The following CORO7 variants were observed in gnomAD, a reference collection of about 807,000 sequenced individuals.
CORO7 encodes the protein coronin 7, also known as coronin-7.
A neutral mutation model predicts 126.6 loss-of-function variants in CORO7; 107 were observed. The ratio of observed to expected loss-of-function variants is 0.85; its 90% confidence interval spans 0.72 to 0.99. The LOEUF is 0.99. CORO7 is among the 50% of genes least tolerant of loss of function. The probability of loss-of-function intolerance (pLI) is 0.00; values close to 1 mark genes in which losing one functional copy is unlikely to be tolerated. For missense variants in CORO7, 1,314 were observed against 1,255.8 expected (o/e 1.05, Z -0.70); for synonymous variants, 603 against 536.8 (o/e 1.12, Z -1.70).
At chr16:4,372,420 G>A (rs944968038) in intron 9 of CORO7, among the ~76,000 whole-genome samples, 1 of 152,226 alleles carries the variant, frequency 6.6e-6, no homozygotes, top group African/African-American at 2.4e-5. Flanking sequence ...GGGCTGCCCG[G>A]GGTCCTCTGG....
chr16:4,358,942 A>T, intron 23 of CORO7: 1 of 327,056 alleles, frequency 3.1e-6, no homozygotes, highest in South Asian at 5.9e-5. Context: ...ATCTAGTGCA[A>T]TTTTTTGTTT....
At chr16:4,389,237 C>A (rs1360803985) in intron 7 of CORO7, among the ~76,000 whole-genome samples, 2 of 152,174 alleles carry the variant, frequency 1.3e-5, no homozygotes, top group Admixed American at 6.5e-5. Context: ...TCCTGGCCCT[C>A]CCGAGGTGCT....
At chr16:4,360,589 TG>T in intron 19 of CORO7, 41 bp from the exon 20 acceptor site, 1 of 1,553,928 alleles carries the variant, frequency 6.4e-7, no homozygotes, top group Non-Finnish European at 8.7e-7. Context: ...CTTGCTTCAC[TG>T]CTGGCCCCAC....
At chr16:4,364,072 G>C (rs182211013) in intron 14 of CORO7, among the ~76,000 whole-genome samples, 5 of 151,702 alleles carry the variant, frequency 3.3e-5, no homozygotes, top group African/African-American at 9.7e-5. Flanking sequence ...TGTAATCCCA[G>C]CTACTCGGGA....
chr16:4,367,406 T>C (rs2054381292), intron 9 of CORO7, among the ~76,000 whole-genome samples: 1 of 152,250 alleles, frequency 6.6e-6, no homozygotes. Context: ...CATTCACTCC[T>C]TTGATGAGCT....
intron 9 of CORO7, among the ~76,000 whole-genome samples, chr16:4,368,326 G>A (rs2054411713): frequency 2.0e-5 from 3 of 151,310 alleles, no homozygotes; most frequent in Admixed American, 6.6e-5. Context: ...CAGCCTGGGT[G>A]ACAGAGTGAG....
At chr16:4,385,569 C>T (rs1567279119) in intron 9 of CORO7, among the ~76,000 whole-genome samples, 1 of 152,296 alleles carries the variant, frequency 6.6e-6, no homozygotes, top group South Asian at 2.1e-4. Context: ...CAGTCCCTCT[C>T]GTTATCCCCC....
intron 16 of CORO7, 167 bp from the exon 17 acceptor site, chr16:4,361,636 A>C: frequency 9.1e-6 from 8 of 882,002 alleles, no homozygotes; most frequent in Non-Finnish European, 1.4e-5. Context: ...TCTGAGCCCC[A>C]AGTGCCAACC....
In CORO7 at chr16:4,360,363, C is replaced by T. The variant is rs567884489; in HGVS notation, c.2023G>A (p.Glu675Lys). 6.2e-7 allele frequency: 1 copy of T among 1,613,622 alleles called. No homozygotes were observed. The highest frequency in any genetic ancestry group is 1.1e-5 in the South Asian group (1 of 91,086). The change falls in exon 21 of 28, where the codon GAA (glutamate) becomes AAA (lysine). Residue 675 changes from glutamate to lysine, a missense_variant and splice_region_variant. Coordinates refer to ENST00000251166, the MANE Select transcript of CORO7 (RefSeq NM_024535.5). ...CGTCCTCCCTTGGGCCCTGGGCCTT[C>T]CTGTTGAGATACATCGCGTGACACC... ...RPRSGPEPLQEGPGPKGGRGA... is the reference protein window; with the variant it reads ...RPRSGPEPLQKGPGPKGGRGA...
intron 1 of CORO7, chr16:4,415,651 C>T (rs980257135): frequency 1.9e-5 from 18 of 953,302 alleles, no homozygotes; most frequent in Non-Finnish European, 2.2e-5. Context: ...GCTCTGGGAC[C>T]CTGATGGGGT....
rs1286853989 is a variant in CORO7, at chr16:4,362,699, A to T, written c.1315T>A (p.Ser439Thr). 1 of 1,465,520 alleles carries T rather than the reference A, an allele frequency of 6.8e-7. No homozygotes were observed. Among genetic ancestry groups the T allele is most frequent in the African/African-American group, 1.5e-5 (1 of 68,424 alleles). The allele number at this position is 1,465,520 out of a possible 1,614,324, so 90.8% of individuals were successfully genotyped here. Reference protein sequence around the residue: ...SSPPSSLTSPSTPSSLGPSLS... With the variant: ...SSPPSSLTSPTTPSSLGPSLS... The stretch of plus-strand genomic sequence containing the variant: ...GAGGGCCCCAGGCTGGAGGGCGTGG[A>T]GGGCGAGGTCAGCGAACTGGGAGGG... Residue 439 changes from serine (S) to threonine (T), a missense_variant, in exon 15 of 28, where the codon TCC becomes ACC. Coordinates refer to ENST00000251166, the MANE Select transcript of CORO7 (RefSeq NM_024535.5). This position sits in a 1 kb window ranked among gnomAD's most constrained non-coding sequence, Gnocchi z 5.3.
Position 4,398,779 on chromosome 16 carries a change from C to T in CORO7, c.565-3440G>A, listed in dbSNP as rs543866231. Among the ~76,000 whole-genome samples, 11 of 152,078 alleles carry T rather than the reference C, an allele frequency of 7.2e-5. No individual in the cohort carries two copies. The East Asian group carries it at 9.7e-4, about 13-fold the overall frequency. On this transcript the variant is annotated intron_variant, in intron 6 of 27. Transcript: ENST00000251166. ...GGTCAGGAGTTCAAGACCAGTGTGG[C>T]CAACATAGTGAAACTCCGTCTCTAC...
At chr16:4,393,033 C>G (rs1403411192) in intron 7 of CORO7, among the ~76,000 whole-genome samples, 1 of 152,250 alleles carries the variant, frequency 6.6e-6, no homozygotes, top group African/African-American at 2.4e-5. Context: ...CATCAGTCAC[C>G]GCCCCAGCCC....
At chr16:4,398,233 T>A (rs889357665) in intron 6 of CORO7, among the ~76,000 whole-genome samples, 5 of 152,298 alleles carry the variant, frequency 3.3e-5, no homozygotes, top group South Asian at 2.1e-4. Flanking sequence ...ATATACATTT[T>A]AAAAATATAT....
intron 8 of CORO7, 80 bp from the exon 9 acceptor site, chr16:4,388,148 T>G: frequency 6.5e-7 from 1 of 1,534,134 alleles, no homozygotes; most frequent in Non-Finnish European, 8.8e-7. Context: ...AACCAGCGCC[T>G]GAGGGTGCAG....
rs539149372 is a variant in CORO7, at chr16:4,397,614, T to C, written c.565-2275A>G. On this transcript the variant is annotated intron_variant, in intron 6 of 27. Coordinates refer to ENST00000251166, the MANE Select transcript of CORO7 (RefSeq NM_024535.5). ...ATCAATGGACATTTCTCTCTTTTTGTATTTGTTTTTGTTTTTGAGATGGAG... is the reference window on the plus strand; with the variant it reads ...ATCAATGGACATTTCTCTCTTTTTGCATTTGTTTTTGTTTTTGAGATGGAG... Among the ~76,000 whole-genome samples the C allele has an allele frequency of 2.0e-5, 3 of 152,060 alleles. No individual in the cohort carries two copies. The East Asian group carries it at 5.8e-4, about 29-fold the overall frequency.
chr16:4,413,439 G>A (rs748266289), intron 1 of CORO7, 35 bp from the exon 2 acceptor site: 17 of 1,544,508 alleles, frequency 1.1e-5, no homozygotes, highest in Admixed American at 7.9e-5. Flanking sequence ...TGTGGTGAGA[G>A]CCAGGGTTCC....
intron 6 of CORO7, among the ~76,000 whole-genome samples, chr16:4,403,565 G>C (rs868631587): frequency 6.6e-6 from 1 of 152,160 alleles, no homozygotes; most frequent in African/African-American, 2.4e-5. Flanking sequence ...GGTTTAGCGG[G>C]GGAAAACACA....
At chr16:4,405,618 A>C in intron 5 of CORO7, 51 bp from the exon 6 acceptor site, 2 of 1,257,684 alleles carry the variant, frequency 1.6e-6, no homozygotes, top group Non-Finnish European at 2.2e-6. Flanking sequence ...GCACCAGGGA[A>C]GTGGGTGGGG....
Sources: allele counts gnomAD v4.1 joint callset (sites outside exome capture counted in the v4.1 genomes callset), GRCh38; gene constraint gnomAD v4.1.1; non-coding constraint Gnocchi (gnomAD v3.1); transcripts MANE v1.5; gene names NCBI Gene and HGNC (gene_info 2026-07-23, HGNC 2026-07-21).